Variants in DPP6 observed in about 807,000 individuals in gnomAD.
DPP6 encodes the protein A-type potassium channel modulatory protein DPP6.
In DPP6, 69 loss-of-function variants were observed where a neutral mutation model predicts 122.6. The ratio of observed to expected loss-of-function variants is 0.56; its 90% CI spans 0.46 to 0.69. The LOEUF is 0.69. Among genes scored for constraint, DPP6 ranks in the 30% least tolerant of loss-of-function variants. DPP6 has a pLI of 0.00. For synonymous variants in DPP6, 418 were observed against 433.1 expected, an observed-to-expected ratio of 0.97 and a Z score of 0.43; for missense variants, 928 against 1,116.9, an observed-to-expected ratio of 0.83 and a Z score of 2.41.
chr7:153,975,158 A>G lies in DPP6; in HGVS notation c.51+87424A>G, dbSNP rs147249877. The stretch of plus-strand genomic sequence containing the variant: ...TAGTGGGAATCTTAAATTTGCTAGG[A>G]CTGGGGAATTCGGGTGTATAGCCAA... On this transcript the variant is annotated intron_variant, in intron 1 of 25. Transcript: ENST00000404039. Among the ~76,000 whole-genome samples, 115 of 152,236 alleles carry G rather than the reference A, an allele frequency of 7.6e-4. 1 individual carries two copies. In the East Asian group the frequency reaches 0.021, roughly 28 times the overall value.
the DPP6 span, among the ~76,000 whole-genome samples, chr7:153,866,242 T>G: frequency 0.014 from 2,058 of 152,282 alleles, 61 homozygotes; most frequent in African/African-American, 0.047. Flanking sequence ...ACTTCCACAA[T>G]GGTTGAACTA....
the DPP6 span, among the ~76,000 whole-genome samples, chr7:153,797,168 C>A: frequency 6.6e-6 from 1 of 152,200 alleles, no homozygotes; most frequent in African/African-American, 2.4e-5. Flanking sequence ...ACACTTTCAT[C>A]ACAGGCTTTC....
At chr7:153,938,806 C>G (rs1801573570) in intron 1 of DPP6, among the ~76,000 whole-genome samples, 1 of 152,170 alleles carries the variant, frequency 6.6e-6, no homozygotes, top group Admixed American at 6.5e-5. Flanking sequence ...AAGCTAGGAG[C>G]CTTGCTAAGC....
intron 1 of DPP6, among the ~76,000 whole-genome samples, chr7:153,925,093 G>A (rs908133919): frequency 6.6e-6 from 1 of 152,182 alleles, no homozygotes; most frequent in Non-Finnish European, 1.5e-5. Context: ...GCAGGGCTGA[G>A]GGTGAGGAGA....
At chr7:153,950,711 T>C (rs1802169444) in intron 1 of DPP6, among the ~76,000 whole-genome samples, 1 of 152,014 alleles carries the variant, frequency 6.6e-6, no homozygotes, top group African/African-American at 2.4e-5. Context: ...ACCTTGCCAG[T>C]TGGGTGGATG....
At chr7:154,870,792 G>GT (rs1410885120) in intron 18 of DPP6, among the ~76,000 whole-genome samples, 4 of 151,922 alleles carry the variant, frequency 2.6e-5, no homozygotes, top group African/African-American at 9.7e-5. Flanking sequence ...GTGAAACTCT[G>GT]TCTCTACTAA....
chr7:154,872,480 A>G, intron 18 of DPP6, 144 bp from the exon 19 acceptor site: 2 of 1,335,834 alleles, frequency 1.5e-6, no homozygotes, highest in Non-Finnish European at 2.0e-6. Context: ...CCTCAGGATG[A>G]AAACCCTGGG....
chr7:153,825,554 T>TTGTTA, the DPP6 span, among the ~76,000 whole-genome samples: 4 of 151,204 alleles, frequency 2.6e-5, no homozygotes, highest in African/African-American at 9.7e-5. Flanking sequence ...TTTTTTTCTT[T>TTGTTA]TGTTTTGTTT....
At chr7:154,644,184 TAG>T (rs1836298045) in intron 6 of DPP6, among the ~76,000 whole-genome samples, 1 of 152,222 alleles carries the variant, frequency 6.6e-6, no homozygotes, top group Non-Finnish European at 1.5e-5. Context: ...AGGCGCAGAT[TAG>T]TTTTGTGCTT....
the DPP6 span, among the ~76,000 whole-genome samples, chr7:153,870,918 C>T: frequency 1.3e-5 from 2 of 152,220 alleles, no homozygotes; most frequent in Admixed American, 1.3e-4. Context: ...AGGTCCACTC[C>T]AGACCTTGTT....
chr7:154,757,610 C>G (rs542133232), intron 8 of DPP6, among the ~76,000 whole-genome samples: 1 of 152,184 alleles, frequency 6.6e-6, no homozygotes, highest in African/African-American at 2.4e-5. Context: ...TCCTGATCCA[C>G]GGTAAGATGT....
chr7:154,880,638 G>A (rs373798490), intron 20 of DPP6, among the ~76,000 whole-genome samples: 10 of 152,228 alleles, frequency 6.6e-5, no homozygotes, highest in South Asian at 4.1e-4. Flanking sequence ...GCTCGCAGTC[G>A]AGAAGCTTCT....
At chr7:154,588,042 C>T (rs533526323) in intron 5 of DPP6, 3 of 1,610,860 alleles carry the variant, frequency 1.9e-6, no homozygotes, top group African/African-American at 2.7e-5. Context: ...GGATAATGCA[C>T]AGCAGCTACA....
chr7:154,335,773 A>G (rs1212599284), intron 1 of DPP6, among the ~76,000 whole-genome samples: 1 of 152,104 alleles, frequency 6.6e-6, no homozygotes, highest in Non-Finnish European at 1.5e-5. Flanking sequence ...AAAAACATCA[A>G]TACATTAGCA....
chr7:154,772,787 G>A (rs2150383525), intron 9 of DPP6, 58 bp from the exon 10 acceptor site: 2 of 1,575,986 alleles, frequency 1.3e-6, no homozygotes, highest in Non-Finnish European at 1.7e-6. Flanking sequence ...TTGCAGAGCT[G>A]AAGTTCACTC....
rs556619745 is a variant in DPP6, at chr7:154,249,958, C to G, written c.244-196256C>G. On this transcript the variant is annotated intron_variant, in intron 1 of 25. Coordinates refer to ENST00000377770, the MANE Select transcript of DPP6 (RefSeq NM_130797.4). Reference sequence around the variant, plus strand: ...CACAGGCAGACAGCCTGGTACCACACCCGGGGCCTGGTAGTTAAAAATCAA... The same window carrying G: ...CACAGGCAGACAGCCTGGTACCACAGCCGGGGCCTGGTAGTTAAAAATCAA... Among the ~76,000 whole-genome samples the G allele has an allele frequency of 1.4e-4, 21 of 152,264 alleles. 1 individual carries two copies. The highest frequency in any genetic ancestry group is 3.9e-4 in the Admixed American group (6 of 15,296).
chr7:154,518,802 A>G (rs1421260681), intron 3 of DPP6, among the ~76,000 whole-genome samples: 5 of 152,166 alleles, frequency 3.3e-5, no homozygotes, highest in Non-Finnish European at 7.4e-5. Flanking sequence ...TATGGTTCTA[A>G]TGTCATTTAA....
intron 1 of DPP6, among the ~76,000 whole-genome samples, chr7:154,090,287 G>A (rs540770902): frequency 6.6e-6 from 1 of 152,302 alleles, no homozygotes; most frequent in East Asian, 1.9e-4. Context: ...CCCCCGACCT[G>A]CAAATTCACA....
intron 6 of DPP6, among the ~76,000 whole-genome samples, chr7:154,668,197 T>TATATATATATATATATATATATA (rs1838288618): frequency 1.0e-3 from 38 of 36,470 alleles, no homozygotes; most frequent in Admixed American, 3.1e-3. Context: ...TGTGTATATT[T>TATATATATATATATATATATATA]TATATATATA....
Sources: allele counts gnomAD v4.1 joint callset (sites outside exome capture counted in the v4.1 genomes callset), GRCh38; gene constraint gnomAD v4.1.1; transcripts MANE v1.5; gene names NCBI Gene and HGNC (gene_info 2026-07-23, HGNC 2026-07-21).